Variants in MCU observed in about 807,000 individuals in gnomAD.
MCU encodes calcium uniporter protein, mitochondrial.
Under a neutral mutation model 45.2 loss-of-function variants are expected in MCU, and 12 were observed. The ratio of observed to expected loss-of-function variants is 0.27; its 90% CI spans 0.17 to 0.43. MCU has a LOEUF of 0.43. Among genes scored for constraint, MCU ranks in the 20% least tolerant of loss-of-function variants. The pLI is 1.00. For synonymous variants in MCU, 160 were observed against 165.1 expected, an observed-to-expected ratio of 0.97 and a Z score of 0.24; for missense variants, 324 against 436.7, an observed-to-expected ratio of 0.74 and a Z score of 2.30.
chr10:72,882,316 G>A (rs1347951621), intron 6 of MCU, among the ~76,000 whole-genome samples: 11 of 152,182 alleles, frequency 7.2e-5, no homozygotes, highest in South Asian at 6.2e-4. Flanking sequence ...CAAGATAACA[G>A]CAATTGTTCA....
chr10:72,877,106 A>G (rs757815139), intron 6 of MCU, among the ~76,000 whole-genome samples: 1 of 151,974 alleles, frequency 6.6e-6, no homozygotes, highest in Non-Finnish European at 1.5e-5. Flanking sequence ...AATATTTTGT[A>G]GACAGGGTTT....
chr10:72,786,270 C>G (rs920365718), intron 1 of MCU, among the ~76,000 whole-genome samples: 1 of 151,976 alleles, frequency 6.6e-6, no homozygotes, highest in Non-Finnish European at 1.5e-5. Context: ...TGAGAAGTTA[C>G]TGTTTTTGTT....
intron 1 of MCU, among the ~76,000 whole-genome samples, chr10:72,823,617 A>C (rs919235023): frequency 6.6e-6 from 1 of 152,160 alleles, no homozygotes. Context: ...TAATGTGTTC[A>C]TTATGTGAAG....
intron 1 of MCU, among the ~76,000 whole-genome samples, chr10:72,815,197 A>G (rs187441505): frequency 1.6e-3 from 251 of 152,384 alleles, no homozygotes; most frequent in African/African-American, 5.7e-3. Flanking sequence ...TGCCTCTTAT[A>G]GTACAGGAGC....
intron 1 of MCU, among the ~76,000 whole-genome samples, chr10:72,810,923 G>A (rs2132800383): frequency 6.6e-6 from 1 of 152,258 alleles, no homozygotes; most frequent in East Asian, 1.9e-4. Flanking sequence ...AGAGAACATA[G>A]TTAAAATAAG....
intron 4 of MCU, among the ~76,000 whole-genome samples, chr10:72,862,652 GCCT>G (rs1367918117): frequency 6.6e-6 from 1 of 152,138 alleles, no homozygotes; most frequent in African/African-American, 2.4e-5. Flanking sequence ...TCACTCACTG[GCCT>G]CCTCCTGTGC....
intron 1 of MCU, among the ~76,000 whole-genome samples, chr10:72,744,618 A>C (rs1843384865): frequency 6.6e-6 from 1 of 152,234 alleles, no homozygotes; most frequent in Admixed American, 6.5e-5. Context: ...TGACAGGGTG[A>C]GACTTCGTCT....
rs1845778135 is a variant in MCU at position 72,886,565 on chromosome 10, G to A, written c.*743G>A. 1 of 152,266 alleles carries A rather than the reference G, an allele frequency of 6.6e-6. No individual in the cohort carries two copies. The highest frequency in any genetic ancestry group is 2.4e-5 in the African/African-American group (1 of 41,418). 9.4% of individuals were successfully genotyped at this position (152,266 alleles called of 1,614,324 possible). A position where few individuals can be genotyped will look rare whatever the true frequency, so the allele number is the denominator to read the frequency against. ...TTGTTTTATTAATTAGTCTTTCACA[G>A]GAGGAATAATTGCCCTCCTTTATAT... On this transcript the variant is annotated 3_prime_UTR_variant, in exon 8 of 8. Transcript: ENST00000373053.
At chr10:72,788,067 G>C (rs961189641) in intron 1 of MCU, among the ~76,000 whole-genome samples, 1 of 152,188 alleles carries the variant, frequency 6.6e-6, no homozygotes, top group African/African-American at 2.4e-5. Context: ...GTACGTGATA[G>C]GCAATGAGTT....
At chr10:72,850,023 C>G (rs1240467245) in intron 2 of MCU, among the ~76,000 whole-genome samples, 2 of 151,422 alleles carry the variant, frequency 1.3e-5, no homozygotes. Flanking sequence ...AAGTAATTCT[C>G]TTGCCTCAGG....
At chr10:72,745,390 G>C (rs1017481286) in intron 1 of MCU, among the ~76,000 whole-genome samples, 3 of 152,014 alleles carry the variant, frequency 2.0e-5, no homozygotes, top group Non-Finnish European at 2.9e-5. Flanking sequence ...TACCACACCG[G>C]CTGGTTTTTT....
intron 4 of MCU, among the ~76,000 whole-genome samples, chr10:72,862,785 A>G (rs912773793): frequency 3.9e-5 from 6 of 152,078 alleles, no homozygotes; most frequent in African/African-American, 1.4e-4. Context: ...TAGGCCTGGT[A>G]AGGTGGCTCA....
At chr10:72,782,471 A>G (rs1163566026) in intron 1 of MCU, among the ~76,000 whole-genome samples, 1 of 152,104 alleles carries the variant, frequency 6.6e-6, no homozygotes, top group Admixed American at 6.5e-5. Flanking sequence ...CCTGGGTTCA[A>G]GCGATTCTCA....
At position 72,772,843 on chromosome 10, in the gene MCU, A is replaced by G. The variant is rs552738623; in HGVS notation, c.151-61516A>G. On this transcript the variant is annotated intron_variant, in intron 1 of 7. Coordinates refer to ENST00000373053, the MANE Select transcript of MCU (RefSeq NM_138357.3). ...AAGCAAAAATCCAGTGACTGACCCT[A>G]ACAAGATGGCAGTTTGTGAGCTTTC... 3.9e-5 allele frequency among the ~76,000 whole-genome samples: 6 copies of G among 152,346 alleles called. No homozygotes were observed. The East Asian group carries it at 7.7e-4, about 20-fold the overall frequency.
chr10:72,734,739 A>G (rs2132688937), intron 1 of MCU, among the ~76,000 whole-genome samples: 1 of 152,042 alleles, frequency 6.6e-6, no homozygotes, highest in Middle Eastern at 3.4e-3. Context: ...TCTGCCTCCC[A>G]AGTAGCTAGG....
chr10:72,767,922 T>G (rs1416690097), intron 1 of MCU, among the ~76,000 whole-genome samples: 1 of 152,198 alleles, frequency 6.6e-6, no homozygotes, highest in Non-Finnish European at 1.5e-5. Flanking sequence ...CATCTTCATC[T>G]TGTTAGGCTC....
intron 6 of MCU, among the ~76,000 whole-genome samples, chr10:72,877,975 A>G (rs1845641647): frequency 6.6e-6 from 1 of 152,088 alleles, no homozygotes; most frequent in South Asian, 2.1e-4. Flanking sequence ...CCTGTAAATT[A>G]GATTGAGGTA....
intron 1 of MCU, among the ~76,000 whole-genome samples, chr10:72,699,222 G>A (rs890809783): frequency 1.4e-4 from 22 of 152,032 alleles, no homozygotes; most frequent in Admixed American, 7.2e-4. Context: ...AATCTTAAAC[G>A]TTTGCCAGCC....
chr10:72,759,396 A>T (rs1414451372), intron 1 of MCU, among the ~76,000 whole-genome samples: 1 of 152,172 alleles, frequency 6.6e-6, no homozygotes, highest in Non-Finnish European at 1.5e-5. Context: ...ATAACCGATT[A>T]GGTCGGGGTC....
Sources: allele counts gnomAD v4.1 joint callset (sites outside exome capture counted in the v4.1 genomes callset), GRCh38; gene constraint gnomAD v4.1.1; transcripts MANE v1.5; gene names NCBI Gene and HGNC (gene_info 2026-07-23, HGNC 2026-07-21).